Variants in CSMD1 observed in about 807,000 individuals in gnomAD.
The protein encoded by CSMD1 is CUB and Sushi multiple domains 1.
CSMD1 carries 213 observed loss-of-function variants against 417.5 expected under a neutral mutation model. The ratio of observed to expected loss-of-function variants is 0.51; its 90% CI spans 0.46 to 0.57. The LOEUF (loss-of-function observed/expected upper bound fraction) is 0.57, where lower values mean the gene tolerates loss of function less well. Among genes scored for constraint, CSMD1 ranks in the 20% least tolerant of loss-of-function variants. The pLI is 0.00. For missense variants in CSMD1, 6,923 were observed against 4,529.7 expected, an observed-to-expected ratio of 1.53 and a Z score of -15.17; for synonymous variants, 2,862 against 1,736.8, an observed-to-expected ratio of 1.65 and a Z score of -16.11.
intron 3 of CSMD1, among the ~76,000 whole-genome samples, chr8:4,388,798 G>C (rs575353113): frequency 2.0e-4 from 31 of 152,162 alleles, no homozygotes; most frequent in Non-Finnish European, 3.7e-4. Context: ...GATCCTCCCA[G>C]TACCTCTGGA....
chr8:3,906,763 G>A (rs1394068380), intron 5 of CSMD1, among the ~76,000 whole-genome samples: 1 of 151,528 alleles, frequency 6.6e-6, no homozygotes, highest in African/African-American at 2.4e-5. Flanking sequence ...TCCTACAAGA[G>A]GAAAAATGAC....
intron 68 of CSMD1, among the ~76,000 whole-genome samples, chr8:2,948,520 C>T (rs1585037811): frequency 2.6e-5 from 4 of 152,230 alleles, no homozygotes; most frequent in South Asian, 4.1e-4. Flanking sequence ...CCTCTTTCCA[C>T]ATCAATATAT....
chr8:4,789,610 C>A (rs1797587698), intron 1 of CSMD1, among the ~76,000 whole-genome samples: 1 of 152,046 alleles, frequency 6.6e-6, no homozygotes, highest in South Asian at 2.1e-4. Flanking sequence ...TTTCTCACTC[C>A]AGTGTGGGGA....
At chr8:3,500,743 G>A (rs1409834395) in intron 10 of CSMD1, among the ~76,000 whole-genome samples, 1 of 152,136 alleles carries the variant, frequency 6.6e-6, no homozygotes, top group Non-Finnish European at 1.5e-5. Flanking sequence ...TTGACTGGAT[G>A]GAGGACATGG....
At chr8:3,942,721 C>G (rs796644939) in intron 5 of CSMD1, among the ~76,000 whole-genome samples, 1 of 152,274 alleles carries the variant, frequency 6.6e-6, no homozygotes, top group South Asian at 2.1e-4. Flanking sequence ...CTTAATATAA[C>G]ATACGCTCAA....
chr8:2,947,036 T>G (rs535590704), intron 68 of CSMD1, among the ~76,000 whole-genome samples: 1 of 152,238 alleles, frequency 6.6e-6, no homozygotes, highest in Non-Finnish European at 1.5e-5. Flanking sequence ...ACATATCTAT[T>G]CAAATCTTTG....
intron 3 of CSMD1, among the ~76,000 whole-genome samples, chr8:4,095,599 A>G (rs1476407378): frequency 6.6e-6 from 1 of 152,196 alleles, no homozygotes; most frequent in Non-Finnish European, 1.5e-5. Context: ...CCAAGAAACA[A>G]AGTAATGTGC....
At chr8:4,795,260 T>A (rs1472893184) in intron 1 of CSMD1, among the ~76,000 whole-genome samples, 1 of 19,516 alleles carries the variant, frequency 5.1e-5, no homozygotes, top group South Asian at 2.3e-3. Context: ...AGCTTTTTTT[T>A]TTTTTTTTTT....
chr8:4,810,738 T>C (rs1230185157), intron 1 of CSMD1, among the ~76,000 whole-genome samples: 2 of 152,236 alleles, frequency 1.3e-5, no homozygotes, highest in Non-Finnish European at 2.9e-5. Context: ...TATGTAACAA[T>C]ATATTTGCTC....
At chr8:3,457,696 G>C (rs1816244092) in intron 12 of CSMD1, among the ~76,000 whole-genome samples, 1 of 152,106 alleles carries the variant, frequency 6.6e-6, no homozygotes, top group Non-Finnish European at 1.5e-5. Context: ...CTCTTGTTGA[G>C]ATCATAAAAA....
At chr8:3,976,598 C>T (rs995255343) in intron 5 of CSMD1, among the ~76,000 whole-genome samples, 8 of 152,306 alleles carry the variant, frequency 5.3e-5, no homozygotes, top group African/African-American at 1.9e-4. Flanking sequence ...GCAAGATTTG[C>T]ATAAGCATTA....
At chr8:4,006,821 CTA>C (rs1245733652) in intron 4 of CSMD1, among the ~76,000 whole-genome samples, 3 of 90,118 alleles carry the variant, frequency 3.3e-5, no homozygotes, top group African/African-American at 1.4e-4. Context: ...AGGACTTTTC[CTA>C]TTTTTTTTTT....
chr8:4,469,377 G>T (rs539337400), intron 2 of CSMD1, among the ~76,000 whole-genome samples: 48 of 152,256 alleles, frequency 3.2e-4, no homozygotes, highest in African/African-American at 1.0e-3. Flanking sequence ...AAATCAAGGT[G>T]CAAAACGGCT....
At chr8:4,337,340 C>T (rs1006666376) in intron 3 of CSMD1, among the ~76,000 whole-genome samples, 16 of 152,136 alleles carry the variant, frequency 1.1e-4, no homozygotes, top group Admixed American at 5.9e-4. Context: ...CCCCAGCAAC[C>T]GACATTGTTG....
chr8:4,547,389 T>C (rs1367110837), intron 2 of CSMD1, among the ~76,000 whole-genome samples: 1 of 152,222 alleles, frequency 6.6e-6, no homozygotes, highest in Non-Finnish European at 1.5e-5. Context: ...ACTTTCTTCT[T>C]TTATATTTGT....
intron 17 of CSMD1, among the ~76,000 whole-genome samples, chr8:3,394,972 C>T (rs538049094): frequency 4.6e-5 from 7 of 151,940 alleles, no homozygotes; most frequent in African/African-American, 9.7e-5. Context: ...TGCATATGCA[C>T]GTTTGTGTAT....
At chr8:4,207,958 G>A (rs1437403783) in intron 3 of CSMD1, among the ~76,000 whole-genome samples, 2 of 152,010 alleles carry the variant, frequency 1.3e-5, no homozygotes, top group Non-Finnish European at 1.5e-5. Flanking sequence ...TTTATCTTTA[G>A]GCAATATTCA....
intron 12 of CSMD1, among the ~76,000 whole-genome samples, chr8:3,467,674 T>C (rs1033797017): frequency 6.6e-6 from 1 of 152,148 alleles, no homozygotes; most frequent in Non-Finnish European, 1.5e-5. Context: ...AAGAGACCCT[T>C]TAATATTGTG....
rs375441874 is a variant in CSMD1, at chr8:4,091,001, C to A, written c.416-58902G>T. On this transcript the variant is annotated intron_variant, in intron 3 of 69. Transcript: ENST00000635120. ...CGGTGCAATCCTGGCTCACTGCAAC[C>A]TCCACCTCCTGGGTTCAAGTGATTC... Among the ~76,000 whole-genome samples the A allele has an allele frequency of 4.6e-5, 7 of 151,894 alleles. No individual in the cohort carries two copies. In the East Asian group the frequency reaches 1.2e-3, roughly 25 times the overall value.
Sources: allele counts gnomAD v4.1 joint callset (sites outside exome capture counted in the v4.1 genomes callset), GRCh38; gene constraint gnomAD v4.1.1; transcripts MANE v1.5; gene names NCBI Gene and HGNC (gene_info 2026-07-23, HGNC 2026-07-21).